Variants in FABP12 observed in about 807,000 individuals in gnomAD.
FABP12 encodes the protein fatty acid-binding protein 12.
Under a neutral mutation model 13.7 loss-of-function variants are expected in FABP12, and 19 were observed. That is an observed-to-expected ratio of 1.39 (90% CI 0.97 to 2.04). FABP12 has a LOEUF of 2.04. Among genes scored for constraint, FABP12 ranks in the 30% most tolerant of loss-of-function variants. The probability of loss-of-function intolerance (pLI) is 0.00; values close to 1 mark genes in which losing one functional copy is unlikely to be tolerated. For missense variants in FABP12, 182 were observed against 164.2 expected (o/e 1.11, Z -0.59); for synonymous variants, 61 against 57.0 (o/e 1.07, Z -0.32).
At chr8:81,577,735 G>A (rs975224870) in intron 1 of FABP12, among the ~76,000 whole-genome samples, 7 of 152,276 alleles carry the variant, frequency 4.6e-5, no homozygotes, top group Non-Finnish European at 8.8e-5. Flanking sequence ...ACTCTAGCCT[G>A]GGCGACAAAG....
intron 3 of FABP12, among the ~76,000 whole-genome samples, chr8:81,527,658 G>A (rs1207955269): frequency 2.6e-5 from 4 of 151,966 alleles, no homozygotes; most frequent in Admixed American, 1.3e-4. Flanking sequence ...CACCACACCC[G>A]GCCATGAAAT....
At chr8:81,541,553 C>G (rs151010900) in intron 1 of FABP12, among the ~76,000 whole-genome samples, 36 of 152,240 alleles carry the variant, frequency 2.4e-4, no homozygotes, top group African/African-American at 7.9e-4. Context: ...TGGTAACACC[C>G]CTGATGAGGC....
At chr8:81,538,347 A>C (rs959693328), upstream of FABP12, among the ~76,000 whole-genome samples, 13 of 152,198 alleles carry the variant, frequency 8.5e-5, no homozygotes, top group African/African-American at 3.1e-4. Context: ...AACTGTGTCC[A>C]CCACAAAAGA....
chr8:81,570,317 G>T (rs372597768), intron 1 of FABP12, among the ~76,000 whole-genome samples: 5 of 152,338 alleles, frequency 3.3e-5, no homozygotes, highest in African/African-American at 7.2e-5. Flanking sequence ...TTTCAGCCCC[G>T]TTTGTCTTAT....
intron 1 of FABP12, among the ~76,000 whole-genome samples, chr8:81,556,190 G>T (rs1407950065): frequency 6.6e-6 from 1 of 152,138 alleles, no homozygotes; most frequent in African/African-American, 2.4e-5. Flanking sequence ...ACTGATTAGT[G>T]GTTGGATGGA....
intron 1 of FABP12, among the ~76,000 whole-genome samples, chr8:81,543,262 A>G (rs1356529287): frequency 2.0e-5 from 3 of 152,154 alleles, no homozygotes; most frequent in Admixed American, 2.0e-4. Context: ...ATTAACATCA[A>G]CTGTGAAATC....
intron 1 of FABP12, among the ~76,000 whole-genome samples, chr8:81,583,891 A>T (rs952096937): frequency 2.0e-5 from 3 of 152,222 alleles, no homozygotes; most frequent in African/African-American, 4.8e-5. Context: ...CAACAAAAAT[A>T]AAAAACCTAC....
At chr8:81,585,505 C>T (rs1488345616) in intron 1 of FABP12, among the ~76,000 whole-genome samples, 1 of 152,110 alleles carries the variant, frequency 6.6e-6, no homozygotes, top group African/African-American at 2.4e-5. Context: ...AATTTGAAGT[C>T]AGGTAGTGTG....
intron 1 of FABP12, among the ~76,000 whole-genome samples, chr8:81,539,876 C>T (rs750409674): frequency 1.2e-4 from 19 of 152,202 alleles, no homozygotes; most frequent in Non-Finnish European, 8.8e-5. Flanking sequence ...CCACCTGCTG[C>T]CTGAGCACTT....
intron 1 of FABP12, among the ~76,000 whole-genome samples, chr8:81,575,321 T>G (rs1462153556): frequency 1.3e-5 from 2 of 152,236 alleles, no homozygotes; most frequent in Non-Finnish European, 2.9e-5. Context: ...GAGAGAGTGC[T>G]TGACATAATT....
chr8:81,533,459 C>T (rs1418771448), intron 1 of FABP12, among the ~76,000 whole-genome samples: 4 of 152,164 alleles, frequency 2.6e-5, no homozygotes, highest in South Asian at 4.1e-4. Context: ...TCAGACGATT[C>T]GCTTCCACCC....
intron 4 of FABP12, chr8:81,525,865 T>C (rs186462540): frequency 8.5e-5 from 13 of 152,330 alleles, no homozygotes; most frequent in African/African-American, 2.9e-4. Flanking sequence ...CACATGATGA[T>C]ACTTAATTCT....
At chr8:81,535,612 G>A (rs1004960731), upstream of FABP12, among the ~76,000 whole-genome samples, 1 of 152,194 alleles carries the variant, frequency 6.6e-6, no homozygotes, top group Non-Finnish European at 1.5e-5. Context: ...CTAACATGAT[G>A]ATTTGGCACT....
chr8:81,572,926 T>C (rs1419391459), intron 1 of FABP12, among the ~76,000 whole-genome samples: 1 of 143,788 alleles, frequency 7.0e-6, no homozygotes, highest in Non-Finnish European at 1.6e-5. Flanking sequence ...AACTGTTCTT[T>C]TGCCCTGCAA....
intron 3 of FABP12, among the ~76,000 whole-genome samples, 172 bp from the exon 4 acceptor site, chr8:81,527,293 C>A (rs540524895): frequency 7.2e-5 from 11 of 152,156 alleles, no homozygotes; most frequent in African/African-American, 2.4e-4. Context: ...TTGCCTAATT[C>A]TGCTGAAGAA....
At chr8:81,586,657 G>A (rs1389859676) in intron 1 of FABP12, among the ~76,000 whole-genome samples, 2 of 152,118 alleles carry the variant, frequency 1.3e-5, no homozygotes, top group African/African-American at 4.8e-5. Context: ...AGAAGTGTCT[G>A]TTCATGTCCT....
chr8:81,565,270 A>G (rs1483548711), intron 1 of FABP12, among the ~76,000 whole-genome samples: 1 of 152,086 alleles, frequency 6.6e-6, no homozygotes, highest in African/African-American at 2.4e-5. Context: ...TCAGAATTAG[A>G]CAGACTATCC....
intron 1 of FABP12, among the ~76,000 whole-genome samples, chr8:81,567,163 A>C (rs1164763311): frequency 6.6e-6 from 1 of 152,222 alleles, no homozygotes; most frequent in African/African-American, 2.4e-5. Context: ...GGACACAAAA[A>C]AATGGAAAGA....
intron 1 of FABP12, among the ~76,000 whole-genome samples, chr8:81,563,787 C>A (rs1809769479): frequency 6.6e-6 from 1 of 152,040 alleles, no homozygotes; most frequent in African/African-American, 2.4e-5. Context: ...CCCACAAGAT[C>A]TAGAAAATAC....
Sources: allele counts gnomAD v4.1 joint callset (sites outside exome capture counted in the v4.1 genomes callset), GRCh38; gene constraint gnomAD v4.1.1; transcripts MANE v1.5; gene names NCBI Gene and HGNC (gene_info 2026-07-23, HGNC 2026-07-21).